KIRREL3: variants seen among roughly 807,000 people sequenced by gnomAD.
The protein encoded by KIRREL3 is kirre like nephrin family adhesion molecule 3.
A neutral mutation model predicts 89.7 loss-of-function variants in KIRREL3; 36 were observed. The ratio of observed to expected loss-of-function variants is 0.40; its 90% CI spans 0.31 to 0.53. The LOEUF is 0.53. Among genes scored for constraint, KIRREL3 ranks in the 20% least tolerant of loss-of-function variants. The pLI is 0.49. For synonymous variants in KIRREL3, 445 were observed against 441.4 expected, an observed-to-expected ratio of 1.01 and a Z score of -0.10; for missense variants, 864 against 1,056.6, an observed-to-expected ratio of 0.82 and a Z score of 2.53.
Position 126,773,225 on chromosome 11 carries a change from T to C in KIRREL3, c.56-210313A>G, listed in dbSNP as rs1369822051. On this transcript the variant is annotated intron_variant, in intron 1 of 16. Coordinates refer to ENST00000525144, the MANE Select transcript of KIRREL3 (RefSeq NM_032531.4). The surrounding 1 kb of genome is among the most constrained non-coding windows in gnomAD (Gnocchi z 4.2). Reference sequence around the variant, plus strand: ...TTTTGTCAAACATTCTGGATGTTTCTGTGAAGGTGTTTCAGGATGAGGTTA... The same window carrying C: ...TTTTGTCAAACATTCTGGATGTTTCCGTGAAGGTGTTTCAGGATGAGGTTA... 6.6e-6 allele frequency among the ~76,000 whole-genome samples: 1 copy of C among 152,204 alleles called. No homozygotes were observed. Among genetic ancestry groups the C allele is most frequent in the Non-Finnish European group, 1.5e-5 (1 of 68,034 alleles).
chr11:126,424,586 G>T lies in KIRREL3; in HGVS notation c.2331C>A (p.His777Gln). The change falls in exon 17 of 17, where the codon CAC becomes CAA. Residue 777 changes from histidine to glutamine, a missense_variant. His to Gln is a conservative substitution (Grantham distance 24). Coordinates refer to ENST00000525144, the MANE Select transcript of KIRREL3 (RefSeq NM_032531.4). Reference protein sequence around the residue: ...SRPLQRRMQTHV With the variant: ...SRPLQRRMQTQV ...CACCCGCGGTGTGTGATCCTTAGAC[G>T]TGAGTCTGCATCCGCCGCTGCAGGG... 1 of 1,613,716 alleles carries T rather than the reference G, an allele frequency of 6.2e-7. No homozygotes were observed. The highest frequency in any genetic ancestry group is 8.5e-7 in the Non-Finnish European group (1 of 1,179,822).
In KIRREL3 at chr11:126,965,547, G is replaced by A. The variant is rs564920453; in HGVS notation, c.55+34908C>T. On this transcript the variant is annotated intron_variant, in intron 1 of 16. Coordinates refer to ENST00000525144, the MANE Select transcript of KIRREL3 (RefSeq NM_032531.4). The surrounding 1 kb of genome is among the most constrained non-coding windows in gnomAD (Gnocchi z 4.4). ...CCTATTGTGAAAGACTAACACGTGC[G>A]TCATTGCCATTTGAATTCACGGATC... Among the ~76,000 whole-genome samples, 13 of 152,244 alleles carry A rather than the reference G, an allele frequency of 8.5e-5. No individual in the cohort carries two copies. Among genetic ancestry groups the A allele is most frequent in the Non-Finnish European group, 1.6e-4 (11 of 68,034 alleles).
In KIRREL3 at chr11:126,612,874, C is replaced by T. The variant is rs1943191494; in HGVS notation, c.56-49962G>A. Reference sequence around the variant, plus strand: ...GGCATAGCTATAAGCGCATTTTGTCCATTCATCATCTGCTAGACATTTGGG... The same window carrying T: ...GGCATAGCTATAAGCGCATTTTGTCTATTCATCATCTGCTAGACATTTGGG... On this transcript the variant is annotated intron_variant, in intron 1 of 16. Coordinates refer to ENST00000525144, the MANE Select transcript of KIRREL3 (RefSeq NM_032531.4). The surrounding 1 kb of genome is among the most constrained non-coding windows in gnomAD (Gnocchi z 4.5). 6.6e-6 allele frequency among the ~76,000 whole-genome samples: 1 copy of T among 152,178 alleles called. No homozygotes were observed. The highest frequency in any genetic ancestry group is 2.4e-5 in the African/African-American group (1 of 41,442).
rs1230231102 is a variant in KIRREL3 at position 126,696,397 on chromosome 11, G to A, written c.56-133485C>T. Among the ~76,000 whole-genome samples, 1 of 151,632 alleles carries A rather than the reference G, an allele frequency of 6.6e-6. No individual in the cohort carries two copies. Among genetic ancestry groups the A allele is most frequent in the African/African-American group, 2.4e-5 (1 of 41,228 alleles). ...CATCATCCATCCAATTTCTTATCCT[G>A]TAACTTCCAAGTTACCCTTAACTCC... On this transcript the variant is annotated intron_variant, in intron 1 of 16. Coordinates refer to ENST00000525144, the MANE Select transcript of KIRREL3 (RefSeq NM_032531.4). The surrounding 1 kb of genome is among the most constrained non-coding windows in gnomAD (Gnocchi z 4.4).
intron 1 of KIRREL3, among the ~76,000 whole-genome samples, chr11:126,829,225 A>C (rs1943520744): frequency 6.6e-6 from 1 of 152,218 alleles, no homozygotes; most frequent in Non-Finnish European, 1.5e-5. Context: ...GTTCAGGCTA[A>C]AAATCAGTGG....
At position 126,471,619 on chromosome 11, in the gene KIRREL3, C is replaced by T. The variant is rs1956894709; in HGVS notation, c.591+1690G>A. Among the ~76,000 whole-genome samples the T allele has an allele frequency of 6.6e-6, 1 of 151,810 alleles. No homozygotes were observed. Among genetic ancestry groups the T allele is most frequent in the Non-Finnish European group, 1.5e-5 (1 of 67,966 alleles). On this transcript the variant is annotated intron_variant, in intron 5 of 16. Transcript: ENST00000525144. The surrounding 1 kb of genome is among the most constrained non-coding windows in gnomAD (Gnocchi z 5.4). ...GATAGCTTGAATAATTTCCCTGGGC[C>T]CTGAGCTGTAGGGGTGGTCTGATGT...
chr11:126,535,926 A>G lies in KIRREL3; in HGVS notation c.134-9239T>C, dbSNP rs202229723. 6.6e-6 allele frequency among the ~76,000 whole-genome samples: 1 copy of G among 152,352 alleles called. No homozygotes were observed. Among genetic ancestry groups the G allele is most frequent in the East Asian group, 1.9e-4 (1 of 5,180 alleles). On this transcript the variant is annotated intron_variant, in intron 2 of 16. Transcript: ENST00000525144. The surrounding 1 kb of genome is among the most constrained non-coding windows in gnomAD (Gnocchi z 4.5). ...ATAGAACCTGGGAGGCGGAGGTTGC[A>G]GTGAGCCAAGATCGCACCATTGCAC... is the stretch of plus-strand genomic sequence containing the variant.
rs950508398 is a variant in KIRREL3 at position 126,683,915 on chromosome 11, G to A, written c.56-121003C>T. ...GGGGTCACTGAGTCACTCCTGCCCA[G>A]GTCCCCCTTCAGGGACTGTCGTGGG... On this transcript the variant is annotated intron_variant, in intron 1 of 16. Transcript: ENST00000525144. This position sits in a 1 kb window ranked among gnomAD's most constrained non-coding sequence, Gnocchi z 5.2. Among the ~76,000 whole-genome samples, 2 of 152,238 alleles carry A rather than the reference G, an allele frequency of 1.3e-5. No individual in the cohort carries two copies. The highest frequency in any genetic ancestry group is 4.8e-5 in the African/African-American group (2 of 41,462).
rs1591619520 is a variant in KIRREL3 at position 126,486,292 on chromosome 11, T to G, written c.434-12826A>C. Reference sequence around the variant, plus strand: ...GGCCAGCAGAGAAGGGACAGTGGGGTGGGGGAGTGCATCAAACTGGAGAGA... The same window carrying G: ...GGCCAGCAGAGAAGGGACAGTGGGGGGGGGGAGTGCATCAAACTGGAGAGA... On this transcript the variant is annotated intron_variant, in intron 4 of 16. Coordinates refer to ENST00000525144, the MANE Select transcript of KIRREL3 (RefSeq NM_032531.4). This position sits in a 1 kb window ranked among gnomAD's most constrained non-coding sequence, Gnocchi z 6.2. 1.3e-5 allele frequency among the ~76,000 whole-genome samples: 2 copies of G among 151,032 alleles called. No homozygotes were observed. Among genetic ancestry groups the G allele is most frequent in the African/African-American group, 4.9e-5 (2 of 40,960 alleles).
Position 126,486,556 on chromosome 11 carries a change from G to T in KIRREL3, c.434-13090C>A, listed in dbSNP as rs895651424. Among the ~76,000 whole-genome samples, 3 of 152,166 alleles carry T rather than the reference G, an allele frequency of 2.0e-5. No homozygotes were observed. Among genetic ancestry groups the T allele is most frequent in the Non-Finnish European group, 4.4e-5 (3 of 68,028 alleles). ...TGGTTTCGACCTTAACCTGATTTGG[G>T]GTCTCTTTTGCTCAACACAGCTGGG... On this transcript the variant is annotated intron_variant, in intron 4 of 16. Transcript: ENST00000525144. The surrounding 1 kb of genome is among the most constrained non-coding windows in gnomAD (Gnocchi z 6.2).
Position 126,578,593 on chromosome 11 carries a change from C to T in KIRREL3, c.56-15681G>A, listed in dbSNP as rs10893541. On this transcript the variant is annotated intron_variant, in intron 1 of 16. Transcript: ENST00000525144. This position sits in a 1 kb window ranked among gnomAD's most constrained non-coding sequence, Gnocchi z 4.9. ...TGAATGTGTGACAGCATGTGGGGCA[C>T]GTGGGTGAGCGTGTATGCATGTACA... Among the ~76,000 whole-genome samples, 35,365 of 151,960 alleles carry T rather than the reference C, an allele frequency of 0.23. 4,303 individuals carry two copies. The highest frequency in any genetic ancestry group is 0.43 in the East Asian group (2,216 of 5,144).
chr11:126,449,791 G>C (rs1220483946), intron 7 of KIRREL3, among the ~76,000 whole-genome samples: 1 of 152,192 alleles, frequency 6.6e-6, no homozygotes, highest in Admixed American at 6.5e-5. Flanking sequence ...CAAGCTCTCA[G>C]CTCTCCTGTC....
intron 1 of KIRREL3, among the ~76,000 whole-genome samples, chr11:126,592,037 G>C (rs1942161648): frequency 6.6e-6 from 1 of 152,174 alleles, no homozygotes; most frequent in Admixed American, 6.5e-5. Flanking sequence ...GGACTCTCCA[G>C]AGAGGAGTCC....
At chr11:126,549,121 T>G (rs1939053507) in intron 2 of KIRREL3, among the ~76,000 whole-genome samples, 1 of 152,190 alleles carries the variant, frequency 6.6e-6, no homozygotes, top group Admixed American at 6.6e-5. Flanking sequence ...TGGGGACTAT[T>G]CCATTGCTCT....
chr11:126,425,053 C>T (rs371206720), intron 16 of KIRREL3, 30 bp from the exon 17 acceptor site: 2 of 1,480,688 alleles, frequency 1.4e-6, no homozygotes, highest in Non-Finnish European at 1.8e-6. Context: ...AGGAGCGTCA[C>T]CTGGTGGAGT....
Position 126,446,960 on chromosome 11 carries a change from T to C in KIRREL3, c.998-74A>G, listed in dbSNP as rs1292229880. ...GGGATCCTCCTTGCTGCTGCCTCCT[T>C]TTCCCCCTAGACCTTGACTGGGGGG... On this transcript the variant is annotated intron_variant, in intron 8 of 16. Transcript: ENST00000525144. 8 of 1,542,876 alleles carry C rather than the reference T, an allele frequency of 5.2e-6. No homozygotes were observed. The East Asian group carries it at 1.4e-4, about 28-fold the overall frequency.
chr11:126,947,043 A>G (rs1404408221), intron 1 of KIRREL3, among the ~76,000 whole-genome samples: 2 of 152,064 alleles, frequency 1.3e-5, no homozygotes, highest in African/African-American at 2.4e-5. Context: ...TTTCATGCCT[A>G]CATCAGCTTG....
rs548671115 is a variant in KIRREL3 at position 126,561,689 on chromosome 11, T to C, written c.133+1146A>G. 1.3e-5 allele frequency among the ~76,000 whole-genome samples: 2 copies of C among 152,364 alleles called. No homozygotes were observed. Among genetic ancestry groups the C allele is most frequent in the South Asian group, 4.1e-4 (2 of 4,828 alleles). ...CTACAAATGGGAAGTAGCTTTTTGA[T>C]GCTGTTGGCTTCAGGCAGGCAGCAA... On this transcript the variant is annotated intron_variant, in intron 2 of 16. Transcript: ENST00000525144. This position sits in a 1 kb window ranked among gnomAD's most constrained non-coding sequence, Gnocchi z 4.5.
chr11:126,545,621 A>G (rs1938753438), intron 2 of KIRREL3, among the ~76,000 whole-genome samples: 1 of 151,480 alleles, frequency 6.6e-6, no homozygotes, highest in South Asian at 2.1e-4. Flanking sequence ...AAAATAAAAT[A>G]AAATAAAATA....
Sources: allele counts gnomAD v4.1 joint callset (sites outside exome capture counted in the v4.1 genomes callset), GRCh38; gene constraint gnomAD v4.1.1; non-coding constraint Gnocchi (gnomAD v3.1); transcripts MANE v1.5; gene names NCBI Gene and HGNC (gene_info 2026-07-23, HGNC 2026-07-21).